Variants in PDCD6 observed in about 807,000 individuals in gnomAD.
PDCD6 encodes the protein programmed cell death protein 6.
Under a neutral mutation model 28.3 loss-of-function variants are expected in PDCD6, and 12 were observed. That is an observed-to-expected ratio of 0.42 (90% CI 0.27 to 0.69). PDCD6 has a LOEUF of 0.69. Ranked by LOEUF, PDCD6 falls within the 30% of genes least tolerant of loss-of-function variation. The pLI is 0.22. For missense variants in PDCD6, 226 were observed against 269.9 expected (o/e 0.84, Z 1.14); for synonymous variants, 92 against 108.0 (o/e 0.85, Z 0.92).
chr5:280,629 G>A (rs1357094147), intron 2 of PDCD6, among the ~76,000 whole-genome samples: 1 of 150,414 alleles, frequency 6.6e-6, no homozygotes, highest in Non-Finnish European at 1.5e-5. Context: ...GCAGAGGGCA[G>A]GGCTGTGAGG....
At chr5:310,937 A>C (rs1384948292) in intron 4 of PDCD6, 1 of 243,742 alleles carries the variant, frequency 4.1e-6, no homozygotes, top group Middle Eastern at 1.4e-3. Context: ...AAGTAACTCC[A>C]CTGGGTTCAG....
In PDCD6 at chr5:271,764, G is replaced by T; in HGVS notation, c.44G>T (p.Gly15Val). The T allele has an allele frequency of 1.3e-6, 2 of 1,504,520 alleles. No homozygotes were observed. Among genetic ancestry groups the T allele is most frequent in the Non-Finnish European group, 8.8e-7 (1 of 1,133,346 alleles). The allele number at this position is 1,504,520 out of a possible 1,614,324, so 93.2% of individuals were successfully genotyped here. A position where few individuals can be genotyped will look rare whatever the true frequency, so the allele number is the denominator to read the frequency against. The stretch of plus-strand genomic sequence containing the variant: ...CGCCCCGGCCCTGGGGCCGGCCCTG[G>T]GCCTGCTGCAGGCGCGGCGCTGCCG... ...SYRPGPGAGP[G>V]PAAGAALPDQ... The change falls in exon 1 of 6, where the codon GGG (glycine) becomes GTG (valine). Residue 15 changes from glycine to valine, a missense_variant. This residue lies in a region of PDCD6 where 72 missense variants were observed against 71.4 expected (regional missense o/e 1.01). Transcript: ENST00000264933.
intron 2 of PDCD6, among the ~76,000 whole-genome samples, chr5:303,476 C>A (rs1579536833): frequency 6.6e-6 from 1 of 151,752 alleles, no homozygotes; most frequent in Non-Finnish European, 1.5e-5. Context: ...TCTTCATTCT[C>A]AGAGTTGATA....
At chr5:298,321 C>T (rs774664502) in intron 2 of PDCD6, among the ~76,000 whole-genome samples, 19 of 152,142 alleles carry the variant, frequency 1.2e-4, no homozygotes, top group East Asian at 5.8e-4. Flanking sequence ...AGAAACTTCA[C>T]GGTACCAGGA....
chr5:301,090 G>A (rs1191840432), intron 2 of PDCD6, among the ~76,000 whole-genome samples: 1 of 152,156 alleles, frequency 6.6e-6, no homozygotes, highest in Non-Finnish European at 1.5e-5. Context: ...AGAAGCTTCT[G>A]CTTATGATCA....
At chr5:278,218 G>A (rs1177940178) in intron 2 of PDCD6, among the ~76,000 whole-genome samples, 2 of 152,194 alleles carry the variant, frequency 1.3e-5, no homozygotes, top group African/African-American at 4.8e-5. Flanking sequence ...TCTCTTGTAG[G>A]ATATTTCATT....
Position 301,139 on chromosome 5 carries a change from T to G in PDCD6, c.164-3038T>G, listed in dbSNP as rs185360696. Reference sequence around the variant, plus strand: ...TGCAGCCTTCACTTGAGGACTTAGGTCTCATCCAGCTCCACACAGTCAATC... The same window carrying G: ...TGCAGCCTTCACTTGAGGACTTAGGGCTCATCCAGCTCCACACAGTCAATC... On this transcript the variant is annotated intron_variant, in intron 2 of 5. Coordinates refer to ENST00000264933, the MANE Select transcript of PDCD6 (RefSeq NM_013232.4). Among the ~76,000 whole-genome samples the G allele has an allele frequency of 7.6e-4, 116 of 152,286 alleles. 1 individual carries two copies. Among genetic ancestry groups the G allele is most frequent in the Middle Eastern group, 3.4e-3 (1 of 294 alleles).
chr5:288,978 G>A, intron 2 of PDCD6: 1 of 1,337,602 alleles, frequency 7.5e-7, no homozygotes, highest in South Asian at 1.2e-5. Context: ...ACTACTTTCA[G>A]GGCCTTCGTT....
chr5:273,292 A>G (rs1737957471), intron 2 of PDCD6: 1 of 160,966 alleles, frequency 6.2e-6, no homozygotes, highest in Non-Finnish European at 1.4e-5. Flanking sequence ...TGGCCAGGGG[A>G]TTATGGGGAG....
chr5:278,976 C>G (rs1175457804), intron 2 of PDCD6, among the ~76,000 whole-genome samples: 2 of 152,012 alleles, frequency 1.3e-5, no homozygotes, highest in Non-Finnish European at 2.9e-5. Context: ...CTGTGGCTTG[C>G]GGTTGTTTCG....
intron 2 of PDCD6, among the ~76,000 whole-genome samples, chr5:277,704 G>A (rs987503850): frequency 5.3e-5 from 8 of 152,058 alleles, no homozygotes; most frequent in African/African-American, 1.9e-4. Context: ...AAAGTGCTGG[G>A]ATTACGGGCG....
chr5:289,225 A>G (rs1739170197), intron 2 of PDCD6: 11 of 638,286 alleles, frequency 1.7e-5, no homozygotes, highest in Non-Finnish European at 2.1e-5. Flanking sequence ...AGTTTCATGA[A>G]TTCTGATGTT....
intron 2 of PDCD6, chr5:290,236 A>G (rs1739235385): frequency 1.3e-6 from 2 of 1,538,980 alleles, no homozygotes; most frequent in Non-Finnish European, 1.8e-6. Context: ...CTATATGACA[A>G]AGAAACTGAT....
intron 2 of PDCD6, chr5:290,408 C>T: frequency 1.3e-6 from 1 of 745,534 alleles, no homozygotes; most frequent in Non-Finnish European, 2.3e-6. Flanking sequence ...CGACGTCCTC[C>T]CACTCCCTCG....
chr5:284,825 G>T lies in PDCD6; in HGVS notation c.163+12053G>T, dbSNP rs372689576. On this transcript the variant is annotated intron_variant, in intron 2 of 5. Transcript: ENST00000264933. The stretch of plus-strand genomic sequence containing the variant: ...TTGAGGGCCATACAACTGGAGACCC[G>T]GGGGGGAGAAGATATTCCAGTTTCA... 3.4e-4 allele frequency among the ~76,000 whole-genome samples: 51 copies of T among 150,352 alleles called. 1 individual carries two copies. The highest frequency in any genetic ancestry group is 1.9e-3 in the South Asian group (9 of 4,734).
chr5:286,344 G>T (rs1738959904), intron 2 of PDCD6, among the ~76,000 whole-genome samples: 1 of 149,252 alleles, frequency 6.7e-6, no homozygotes, highest in African/African-American at 2.5e-5. Context: ...AGCTGATGTT[G>T]TTTTGAGAGC....
chr5:285,152 G>C (rs1451974262), intron 2 of PDCD6, among the ~76,000 whole-genome samples: 1 of 151,938 alleles, frequency 6.6e-6, no homozygotes, highest in African/African-American at 2.4e-5. Flanking sequence ...TGGGGGAGCT[G>C]ATGTTGCAAT....
chr5:285,273 T>C (rs1738873130), intron 2 of PDCD6, among the ~76,000 whole-genome samples: 1 of 150,312 alleles, frequency 6.7e-6, no homozygotes, highest in African/African-American at 2.4e-5. Context: ...GCTGTGCAGC[T>C]GGAGACCCGG....
Position 306,636 on chromosome 5 carries a change from C to G in PDCD6, c.243C>G (p.Asn81Lys). Residue 81 changes from asparagine to lysine, a missense_variant, in exon 4 of 6, where the codon AAC becomes AAG. Around this residue, in one of 3 missense-constraint regions of PDCD6, gnomAD observed 151 missense variants for 177.2 expected, o/e 0.85. Coordinates refer to ENST00000264933, the MANE Select transcript of PDCD6 (RefSeq NM_013232.4). ...MFDRENKAGV[N>K]FSEFTGVWKY... ...ACCGTGAGAACAAGGCCGGCGTGAA[C>G]TTCAGCGAGTTCACGGGTGTGTGGA... 6.2e-7 allele frequency: 1 copy of G among 1,614,038 alleles called. No individual in the cohort carries two copies. Among genetic ancestry groups the G allele is most frequent in the Non-Finnish European group, 8.5e-7 (1 of 1,180,020 alleles).
Sources: allele counts gnomAD v4.1 joint callset (sites outside exome capture counted in the v4.1 genomes callset), GRCh38; gene constraint gnomAD v4.1.1; regional missense constraint gnomAD v4.1.1; transcripts MANE v1.5; gene names NCBI Gene and HGNC (gene_info 2026-07-23, HGNC 2026-07-21).